BICRA: variants seen among roughly 807,000 people sequenced by gnomAD.
The protein encoded by BICRA is BRD4-interacting chromatin-remodeling complex-associated protein.
BICRA carries 31 observed loss-of-function variants against 96.9 expected under a neutral mutation model. The ratio of observed to expected loss-of-function variants is 0.32; its 90% CI spans 0.24 to 0.43. The LOEUF is 0.43. Among genes scored for constraint, BICRA ranks in the 20% least tolerant of loss-of-function variants. The probability of loss-of-function intolerance (pLI) is 1.00; values close to 1 mark genes in which losing one functional copy is unlikely to be tolerated. For missense variants in BICRA, 2,283 were observed against 2,190.3 expected (o/e 1.04, Z -0.84); for synonymous variants, 1,350 against 1,071.8 (o/e 1.26, Z -5.07).
chr19:47,664,917 G>A (rs1300029926), intron 1 of BICRA, among the ~76,000 whole-genome samples: 2 of 152,180 alleles, frequency 1.3e-5, no homozygotes, highest in Non-Finnish European at 2.9e-5. Context: ...CCACTGGGTG[G>A]GGGGCAGCGG....
Position 47,680,018 on chromosome 19 carries a change from AG to A in BICRA, c.853del (p.Ala285LeufsTer58). On this transcript the variant is annotated frameshift_variant, in exon 6 of 15. Transcript: ENST00000594866. LOFTEE classifies it high-confidence loss of function. ...CTGGCGTCGGCCGGTGTCTCGCCAC[AG>A]GGGGCTGGCCTGGTCATCCAGAAGA... Reference protein sequence around the residue: ...VTLASAGVSPQGAGLVIQKNL... With the variant: ...VTLASAGVSPXGAGLVIQKNL... 6.6e-7 allele frequency: 1 copy of A among 1,514,876 alleles called. No homozygotes were observed. The highest frequency in any genetic ancestry group is 2.5e-5 in the East Asian group (1 of 39,930). 93.8% of individuals were successfully genotyped at this position (1,514,876 alleles called of 1,614,324 possible).
intron 1 of BICRA, among the ~76,000 whole-genome samples, chr19:47,633,078 T>G (rs1161286310): frequency 3.3e-5 from 4 of 119,478 alleles, no homozygotes; most frequent in Non-Finnish European, 6.7e-5. Context: ...TTGATTTTAT[T>G]TCTTTTTTTT....
rs534569191 is a variant in BICRA at position 47,698,018 on chromosome 19, T to C, written c.3249-616T>C. Among the ~76,000 whole-genome samples the C allele has an allele frequency of 6.6e-6, 1 of 152,182 alleles. No individual in the cohort carries two copies. Among genetic ancestry groups the C allele is most frequent in the South Asian group, 2.1e-4 (1 of 4,822 alleles). ...CTCTGCTTGGCCTAGGAGTGTGAAT[T>C]AAGTCCCCACTCAGTGCCCAGGCCT... is the stretch of plus-strand genomic sequence containing the variant. On this transcript the variant is annotated intron_variant, in intron 11 of 14. Coordinates refer to ENST00000594866, the MANE Select transcript of BICRA (RefSeq NM_001394372.1). This position sits in a 1 kb window ranked among gnomAD's most constrained non-coding sequence, Gnocchi z 4.8.
chr19:47,666,297 CTT>C (rs5828310), intron 1 of BICRA, among the ~76,000 whole-genome samples: 17 of 147,558 alleles, frequency 1.2e-4, no homozygotes, highest in Admixed American at 2.7e-4. Context: ...TCTTTTTCTT[CTT>C]TTTTTTTTTG....
chr19:47,699,336 G>T lies in BICRA; in HGVS notation c.3526G>T (p.Asp1176Tyr). The change falls in exon 14 of 15, where the codon GAC (aspartate) becomes TAC (tyrosine). Residue 1176 changes from aspartate to tyrosine, a missense_variant. By Grantham distance (160) the Asp-to-Tyr change is radical (BLOSUM62 -3). Transcript: ENST00000594866. The surrounding 1 kb of genome is among the most constrained non-coding windows in gnomAD (Gnocchi z 5.0). ...CCCCTCAGCGGAGATGGTAATGATCGACCGAATGTTCATTCAGGAGGAGAA... is the reference window on the plus strand; with the variant it reads ...CCCCTCAGCGGAGATGGTAATGATCTACCGAATGTTCATTCAGGAGGAGAA... ...VSPSAEMVMI[D>Y]RMFIQEEKTT... 6.4e-7 allele frequency: 1 copy of T among 1,569,244 alleles called. No individual in the cohort carries two copies. The highest frequency in any genetic ancestry group is 1.2e-5 in the South Asian group (1 of 85,120).
intron 1 of BICRA, among the ~76,000 whole-genome samples, chr19:47,661,180 C>A (rs1046884957): frequency 7.5e-5 from 9 of 119,582 alleles, no homozygotes; most frequent in Non-Finnish European, 1.3e-4. Flanking sequence ...CGCCACTGCA[C>A]ACCAGCCTGG....
In BICRA at chr19:47,702,076, G is replaced by A. The variant is rs189199907; in HGVS notation, c.4344G>A (p.Pro1448=). ...ELYQRMLKGP[P]PEPAASAAQG... is the part of the protein sequence containing the mutation. Reference sequence around the variant, plus strand: ...ACCAGCGTATGCTGAAGGGCCCCCCGCCAGAGCCCGCAGCCAGCGCCGCCC... The same window carrying A: ...ACCAGCGTATGCTGAAGGGCCCCCCACCAGAGCCCGCAGCCAGCGCCGCCC... The change falls in exon 15 of 15, where the codon CCG becomes CCA. Residue 1448 remains proline (P), a synonymous_variant. Transcript: ENST00000594866. 3.8e-4 allele frequency: 571 copies of A among 1,511,522 alleles called. 7 individuals are homozygous for A. The East Asian group carries it at 7.4e-3, about 20-fold the overall frequency. 93.6% of individuals were successfully genotyped at this position (1,511,522 alleles called of 1,614,324 possible). A position where few individuals can be genotyped will look rare whatever the true frequency, so the allele number is the denominator to read the frequency against.
Position 47,679,662 on chromosome 19 carries a change from C to G in BICRA, c.492C>G (p.Thr164=). The G allele has an allele frequency of 6.6e-7, 1 of 1,514,006 alleles. No homozygotes were observed. Among genetic ancestry groups the G allele is most frequent in the Non-Finnish European group, 8.8e-7 (1 of 1,133,586 alleles). 93.8% of individuals were successfully genotyped at this position (1,514,006 alleles called of 1,614,324 possible). The part of the protein sequence containing the change: ...AGPQALFPGS[T]DLLGLQGPPT... ...CCCAAGCCCTCTTCCCAGGCAGCACCGACCTGCTGGGGCTGCAGGGCCCGC... is the reference window on the plus strand; with the variant it reads ...CCCAAGCCCTCTTCCCAGGCAGCACGGACCTGCTGGGGCTGCAGGGCCCGC... The change falls in exon 6 of 15, where the codon ACC becomes ACG. Residue 164 remains threonine, a synonymous_variant. Coordinates refer to ENST00000594866, the MANE Select transcript of BICRA (RefSeq NM_001394372.1).
intron 1 of BICRA, among the ~76,000 whole-genome samples, chr19:47,632,353 C>G (rs904535555): frequency 2.0e-5 from 3 of 152,234 alleles, no homozygotes; most frequent in African/African-American, 7.2e-5. Context: ...CTCTGGGGAC[C>G]TTGGCAGGAG....
chr19:47,641,061 G>A (rs1038701867), intron 1 of BICRA, among the ~76,000 whole-genome samples: 12 of 145,404 alleles, frequency 8.3e-5, no homozygotes, highest in African/African-American at 3.1e-4. Context: ...CCACCACCAT[G>A]CCTGGCTAAT....
In BICRA at chr19:47,680,248, C is replaced by A. The variant is rs764689057; in HGVS notation, c.1078C>A (p.Pro360Thr). The change falls in exon 6 of 15, where the codon CCG (proline) becomes ACG (threonine). Residue 360 changes from proline to threonine, a missense_variant. Coordinates refer to ENST00000594866, the MANE Select transcript of BICRA (RefSeq NM_001394372.1). Reference protein sequence around the residue: ...PIQPKPAGVLPPKLYQLTPKP... With the variant: ...PIQPKPAGVLTPKLYQLTPKP... ...CCAGCCCAAGCCCGCGGGGGTGCTG[C>A]CGCCCAAGCTCTACCAGCTGACGCC... is the stretch of plus-strand genomic sequence containing the variant. The A allele has an allele frequency of 1.3e-6, 2 of 1,561,468 alleles. No homozygotes were observed. The highest frequency in any genetic ancestry group is 1.7e-6 in the Non-Finnish European group (2 of 1,162,670).
Position 47,681,956 on chromosome 19 carries a change from G to A in BICRA, c.2107-20G>A, listed in dbSNP as rs1025103618. ...CCTGTGGGGGCGGCTTTCTGATCCTGTGCGGGCTGCCCGTTGCAGGAGAGG... is the reference window on the plus strand; with the variant it reads ...CCTGTGGGGGCGGCTTTCTGATCCTATGCGGGCTGCCCGTTGCAGGAGAGG... On this transcript the variant is annotated intron_variant, in intron 6 of 14. Coordinates refer to ENST00000594866, the MANE Select transcript of BICRA (RefSeq NM_001394372.1). 1.3e-6 allele frequency: 2 copies of A among 1,531,476 alleles called. No individual in the cohort carries two copies. Among genetic ancestry groups the A allele is most frequent in the African/African-American group, 1.4e-5 (1 of 72,844 alleles). 94.9% of individuals were successfully genotyped at this position (1,531,476 alleles called of 1,614,324 possible).
intron 1 of BICRA, among the ~76,000 whole-genome samples, chr19:47,651,496 TCTC>T (rs1378693020): frequency 2.0e-5 from 3 of 151,812 alleles, no homozygotes; most frequent in Non-Finnish European, 2.9e-5. Context: ...GCCCTCATCT[TCTC>T]CTCGGGACGC....
intron 1 of BICRA, among the ~76,000 whole-genome samples, chr19:47,639,226 T>G (rs761691842): frequency 5.3e-5 from 8 of 151,628 alleles, no homozygotes; most frequent in Non-Finnish European, 8.8e-5. Context: ...CAGGCTGGCC[T>G]TGAACTCCTG....
chr19:47,702,056 C>A lies in BICRA; in HGVS notation c.4324C>A (p.Arg1442Ser). ...GGCCGTGGAGGACGAGCTGTACCAGCGTATGCTGAAGGGCCCCCCGCCAGA... is the reference window on the plus strand; with the variant it reads ...GGCCGTGGAGGACGAGCTGTACCAGAGTATGCTGAAGGGCCCCCCGCCAGA... Reference protein sequence around the residue: ...LAAVEDELYQRMLKGPPPEPA... With the variant: ...LAAVEDELYQSMLKGPPPEPA... Residue 1442 changes from arginine to serine, a missense_variant, in exon 15 of 15, where the codon CGT becomes AGT. Physicochemically the swap from Arg to Ser is moderately radical, Grantham distance 110. Transcript: ENST00000594866. 2 of 1,510,192 alleles carry A rather than the reference C, an allele frequency of 1.3e-6. No individual in the cohort carries two copies. The highest frequency in any genetic ancestry group is 1.8e-6 in the Non-Finnish European group (2 of 1,137,810). 93.5% of individuals were successfully genotyped at this position (1,510,192 alleles called of 1,614,324 possible).
chr19:47,619,305 C>T (rs1013075144), intron 1 of BICRA, among the ~76,000 whole-genome samples: 6 of 150,834 alleles, frequency 4.0e-5, no homozygotes, highest in Non-Finnish European at 7.4e-5. Context: ...TCCCCTAGGC[C>T]GGAGTGCAGT....
upstream of BICRA, chr19:47,608,245 T>A (rs898825808): frequency 6.6e-6 from 1 of 152,126 alleles, no homozygotes; most frequent in East Asian, 1.9e-4. Context: ...CCGACCCGCC[T>A]CCCCGGCGCC....
Position 47,673,702 on chromosome 19 carries a change from C to T in BICRA, c.42-18C>T. Reference sequence around the variant, plus strand: ...CCAGCTCCTTACCTCCTCAGCGTCTCTTCCTCTTCTCTTCCAGTGACCCAC... The same window carrying T: ...CCAGCTCCTTACCTCCTCAGCGTCTTTTCCTCTTCTCTTCCAGTGACCCAC... On this transcript the variant is annotated intron_variant, in intron 3 of 14. Coordinates refer to ENST00000594866, the MANE Select transcript of BICRA (RefSeq NM_001394372.1). 6.2e-7 allele frequency: 1 copy of T among 1,607,536 alleles called. No homozygotes were observed. Among genetic ancestry groups the T allele is most frequent in the Non-Finnish European group, 8.5e-7 (1 of 1,175,214 alleles).
At chr19:47,615,250 G>T (rs1440173661) in intron 1 of BICRA, among the ~76,000 whole-genome samples, 1 of 152,222 alleles carries the variant, frequency 6.6e-6, no homozygotes, top group Non-Finnish European at 1.5e-5. Context: ...CCAATGTGCT[G>T]GGATTACAGG....
Sources: allele counts gnomAD v4.1 joint callset (sites outside exome capture counted in the v4.1 genomes callset), GRCh38; gene constraint gnomAD v4.1.1; non-coding constraint Gnocchi (gnomAD v3.1); transcripts MANE v1.5; gene names NCBI Gene and HGNC (gene_info 2026-07-23, HGNC 2026-07-21).